Variants in MELK observed in about 807,000 individuals in gnomAD.
The protein encoded by MELK is maternal embryonic leucine zipper kinase.
Under a neutral mutation model 85.0 loss-of-function variants are expected in MELK, and 81 were observed. That is an observed-to-expected ratio of 0.95 (90% CI 0.80 to 1.15). The LOEUF (loss-of-function observed/expected upper bound fraction) is 1.15. Among genes scored for constraint, MELK ranks in the 50% most tolerant of loss-of-function variants. The pLI is 0.00. For synonymous variants in MELK, 252 were observed against 265.0 expected (o/e 0.95, Z 0.48); for missense variants, 754 against 777.5 (o/e 0.97, Z 0.36).
At chr9:36,584,597 T>G (rs990565636) in intron 3 of MELK, among the ~76,000 whole-genome samples, 2 of 151,310 alleles carry the variant, frequency 1.3e-5, no homozygotes, top group African/African-American at 4.9e-5. Context: ...CCTCCCAAAG[T>G]GCTGGGATTA....
chr9:36,587,580 G>C (rs1237563777), intron 3 of MELK, among the ~76,000 whole-genome samples: 2 of 150,326 alleles, frequency 1.3e-5, no homozygotes, highest in Non-Finnish European at 3.0e-5. Context: ...CTCCCAAAGT[G>C]CTGGGATTAC....
rs558564867 is a variant in MELK at position 36,613,149 on chromosome 9, G to A, written c.666+5476G>A. Among the ~76,000 whole-genome samples, 7 of 152,204 alleles carry A rather than the reference G, an allele frequency of 4.6e-5. No individual in the cohort carries two copies. The South Asian group carries it at 8.3e-4, about 18-fold the overall frequency. ...CTTTTTTCCCCTTTTCCTGGAACAC[G>A]CTAAGGTGTGCCTGCCTCAGGGCAT... On this transcript the variant is annotated intron_variant, in intron 8 of 17. Transcript: ENST00000298048.
Position 36,636,786 on chromosome 9 carries a change from G to GTCTGTCTGTCTTTCTTTCTT in MELK, c.834+3593_834+3594insGTCTTTCTTTCTTTCTGTCT, listed in dbSNP as rs1564191111. Among the ~76,000 whole-genome samples, 121 of 50,714 alleles carry GTCTGTCTGTCTTTCTTTCTT rather than the reference G, an allele frequency of 2.4e-3. 1 individual carries two copies. In the East Asian group the frequency reaches 0.065, roughly 27 times the overall value. 33.3% of individuals were successfully genotyped at this position (50,714 alleles called of 152,430 possible). Reference sequence around the variant, plus strand: ...TTTCTTTCTTTCTTTCTTTCTTTCTGTCTGTCTTTCTTTCTTTCTGTCTTT... The same window carrying GTCTGTCTGTCTTTCTTTCTT: ...TTTCTTTCTTTCTTTCTTTCTTTCTGTCTGTCTGTCTTTCTTTCTTTCTGTCTTTCTTTCTTTCTGTCTTT... On this transcript the variant is annotated intron_variant, in intron 10 of 17. Transcript: ENST00000298048.
intron 15 of MELK, 31 bp downstream of exon 15, chr9:36,669,437 T>C (rs753008105): frequency 2.1e-6 from 3 of 1,445,328 alleles, no homozygotes; most frequent in Admixed American, 4.1e-5. Context: ...GACTCTAATC[T>C]TTAGTATATG....
chr9:36,595,836 G>A (rs117175418), intron 5 of MELK, among the ~76,000 whole-genome samples: 2,701 of 152,002 alleles, frequency 0.018, 35 homozygotes, highest in Middle Eastern at 0.031. Context: ...TTATTTTTGA[G>A]ACTGAGCCTT....
intron 2 of MELK, 87 bp downstream of exon 2, chr9:36,581,826 A>C (rs747075843): frequency 1.1e-4 from 118 of 1,058,248 alleles, no homozygotes; most frequent in Non-Finnish European, 1.6e-4. Context: ...TTTTTCGTCT[A>C]ACCCACACAG....
intron 7 of MELK, among the ~76,000 whole-genome samples, chr9:36,601,131 C>T (rs1169609459): frequency 1.3e-5 from 2 of 151,998 alleles, no homozygotes; most frequent in East Asian, 1.9e-4. Flanking sequence ...CTTTTATAAC[C>T]ACACTTTAGT....
chr9:36,615,778 C>G (rs1158715725), intron 8 of MELK, among the ~76,000 whole-genome samples: 1 of 150,242 alleles, frequency 6.7e-6, no homozygotes, highest in East Asian at 2.0e-4. Flanking sequence ...AGAGACGCTC[C>G]TCACTTCCTA....
At chr9:36,618,724 T>C (rs1827103460) in intron 8 of MELK, among the ~76,000 whole-genome samples, 2 of 152,216 alleles carry the variant, frequency 1.3e-5, no homozygotes, top group Admixed American at 6.5e-5. Context: ...TTAAACCGTA[T>C]ACTATAATCT....
chr9:36,645,222 C>CACTCCAGCCTGGTGACAGAGTGAG (rs1231415902), intron 11 of MELK, among the ~76,000 whole-genome samples: 1 of 143,210 alleles, frequency 7.0e-6, no homozygotes, highest in Non-Finnish European at 1.5e-5. Context: ...CACGCCACTG[C>CACTCCAGCCTGGTGACAGAGTGAG]ACTCCAGCCT....
At chr9:36,619,290 A>G (rs1386706571) in intron 8 of MELK, among the ~76,000 whole-genome samples, 1 of 152,152 alleles carries the variant, frequency 6.6e-6, no homozygotes, top group Non-Finnish European at 1.5e-5. Flanking sequence ...CAGTCCCTTG[A>G]TAAGTATAAT....
intron 14 of MELK, among the ~76,000 whole-genome samples, chr9:36,666,546 T>G (rs1184675609): frequency 2.0e-5 from 3 of 152,204 alleles, no homozygotes; most frequent in African/African-American, 7.2e-5. Flanking sequence ...TAAACTTTAT[T>G]AGCCTTTTTC....
chr9:36,633,764 A>G (rs1385052385), intron 10 of MELK, among the ~76,000 whole-genome samples: 2 of 152,236 alleles, frequency 1.3e-5, no homozygotes, highest in Non-Finnish European at 2.9e-5. Context: ...AAATTTCTTT[A>G]AAGTCTGGCT....
At chr9:36,596,143 A>G (rs1055583459) in intron 5 of MELK, among the ~76,000 whole-genome samples, 2 of 151,344 alleles carry the variant, frequency 1.3e-5, no homozygotes, top group African/African-American at 4.9e-5. Context: ...ATCTGTTTAT[A>G]CTGAACTCGT....
At chr9:36,596,295 G>A (rs184373745) in intron 5 of MELK, among the ~76,000 whole-genome samples, 6 of 151,824 alleles carry the variant, frequency 4.0e-5, no homozygotes, top group African/African-American at 1.4e-4. Context: ...TAGAGTGATC[G>A]CCCAGGCTGG....
chr9:36,592,440 T>G (rs980266418), intron 4 of MELK, among the ~76,000 whole-genome samples: 1 of 152,142 alleles, frequency 6.6e-6, no homozygotes, highest in African/African-American at 2.4e-5. Flanking sequence ...CCTCCCAAAG[T>G]GCTCGGGATT....
chr9:36,608,810 C>T (rs148253194), intron 8 of MELK, among the ~76,000 whole-genome samples: 1,920 of 152,154 alleles, frequency 0.013, 20 homozygotes, highest in Non-Finnish European at 0.018. Flanking sequence ...CTCGAACTCC[C>T]GACCTCAGGT....
intron 1 of MELK, among the ~76,000 whole-genome samples, chr9:36,578,254 T>TC (rs1821850379): frequency 6.6e-6 from 1 of 151,510 alleles, no homozygotes; most frequent in African/African-American, 2.4e-5. Flanking sequence ...TTTTTTTTTT[T>TC]CCTTCACCTC....
Position 36,615,290 on chromosome 9 carries a change from G to A in MELK, c.666+7617G>A, listed in dbSNP as rs1336970143. ...TCCCAGACGGCACGGCTGGCCAGGC[G>A]GGGGGCTGATCCCCCCACCTCCCTC... On this transcript the variant is annotated intron_variant, in intron 8 of 17. Coordinates refer to ENST00000298048, the MANE Select transcript of MELK (RefSeq NM_014791.4). 1.6e-5 allele frequency among the ~76,000 whole-genome samples: 2 copies of A among 127,388 alleles called. 1 individual carries two copies. Among genetic ancestry groups the A allele is most frequent in the African/African-American group, 7.1e-5 (2 of 28,142 alleles). The allele number at this position is 127,388 out of a possible 152,430, so 83.6% of individuals were successfully genotyped here. A position where few individuals can be genotyped will look rare whatever the true frequency, so the allele number is the denominator to read the frequency against.
Sources: gnomAD v4.1 joint callset for allele counts (sites outside exome capture counted in the v4.1 genomes callset) on GRCh38, gnomAD v4.1.1 for gene constraint, MANE v1.5 for transcripts, NCBI Gene and HGNC (gene_info 2026-07-23, HGNC 2026-07-21) for gene names.